PTK2: variants seen among roughly 807,000 people sequenced by gnomAD.
PTK2 encodes the protein protein tyrosine kinase 2, also known as focal adhesion kinase 1.
A neutral mutation model predicts 150.1 loss-of-function variants in PTK2; 45 were observed. The ratio of observed to expected loss-of-function variants is 0.30; its 90% CI spans 0.24 to 0.38. The LOEUF is 0.38. PTK2 is among the 10% of genes least tolerant of loss of function. The pLI is 1.00. For synonymous variants in PTK2, 432 were observed against 449.2 expected, an observed-to-expected ratio of 0.96 and a Z score of 0.48; for missense variants, 919 against 1,307.3, an observed-to-expected ratio of 0.70 and a Z score of 4.58.
At chr8:140,724,485 CTTTTTAAA>C (rs952584560) in intron 22 of PTK2, among the ~76,000 whole-genome samples, 1 of 152,008 alleles carries the variant, frequency 6.6e-6, no homozygotes, top group African/African-American at 2.4e-5. Context: ...GGAAGAAAAA[CTTTTTAAA>C]AAAGATTGGA....
chr8:140,974,355 TA>T (rs1384804901), intron 1 of PTK2, among the ~76,000 whole-genome samples: 10 of 152,200 alleles, frequency 6.6e-5, no homozygotes, highest in African/African-American at 2.4e-4. Flanking sequence ...CCATCTCTCA[TA>T]GCCACATGAA....
intron 1 of PTK2, among the ~76,000 whole-genome samples, chr8:140,933,190 GAA>G (rs57085667): frequency 0.023 from 3,287 of 140,786 alleles, 49 homozygotes; most frequent in African/African-American, 0.039. Context: ...CAACAGTAAT[GAA>G]AAAAAAAAAA....
intron 27 of PTK2, among the ~76,000 whole-genome samples, chr8:140,682,204 A>G (rs2100017414): frequency 6.6e-6 from 1 of 152,170 alleles, no homozygotes; most frequent in Non-Finnish European, 1.5e-5. Flanking sequence ...CAACATTGTG[A>G]AACCCTGTCT....
chr8:140,720,504 T>C (rs547621931), intron 22 of PTK2, among the ~76,000 whole-genome samples: 89 of 152,194 alleles, frequency 5.8e-4, no homozygotes, highest in Admixed American at 1.0e-3. Context: ...AATTCTACCA[T>C]AGACAGGTTA....
intron 1 of PTK2, among the ~76,000 whole-genome samples, chr8:141,000,021 A>C (rs2100199380): frequency 6.6e-6 from 1 of 151,566 alleles, no homozygotes; most frequent in Non-Finnish European, 1.5e-5. Flanking sequence ...CTCGGAAAAA[A>C]AAAAAAAAAG....
intron 1 of PTK2, among the ~76,000 whole-genome samples, chr8:140,975,100 C>T (rs11167014): frequency 0.97 from 146,996 of 152,276 alleles, 71,145 homozygotes; most frequent in East Asian, 1. Context: ...AAAGAACATA[C>T]AGTCTATTAT....
At chr8:140,965,405 T>C (rs557482024) in intron 1 of PTK2, among the ~76,000 whole-genome samples, 1 of 152,288 alleles carries the variant, frequency 6.6e-6, no homozygotes, top group African/African-American at 2.4e-5. Flanking sequence ...CTCCACAGCA[T>C]TTCTTCACTC....
chr8:140,851,974 CACAT>C (rs1294290678), intron 5 of PTK2, among the ~76,000 whole-genome samples: 4 of 151,990 alleles, frequency 2.6e-5, no homozygotes, highest in African/African-American at 9.7e-5. Context: ...AGCACATGCA[CACAT>C]ACATGTGTGT....
At chr8:140,881,787 T>A (rs1046390702) in intron 3 of PTK2, among the ~76,000 whole-genome samples, 1 of 152,186 alleles carries the variant, frequency 6.6e-6, no homozygotes, top group Non-Finnish European at 1.5e-5. Flanking sequence ...AGCACACATA[T>A]AGGAGACCTG....
intron 1 of PTK2, among the ~76,000 whole-genome samples, chr8:140,995,777 CA>C (rs2100197480): frequency 6.6e-6 from 1 of 151,792 alleles, no homozygotes; most frequent in African/African-American, 2.4e-5. Context: ...GACTCTGTCT[CA>C]AAATAAATAA....
intron 14 of PTK2, among the ~76,000 whole-genome samples, chr8:140,772,330 G>C (rs1262847720): frequency 6.6e-6 from 1 of 152,202 alleles, no homozygotes; most frequent in African/African-American, 2.4e-5. Flanking sequence ...TGAGGAGGCT[G>C]AGTTGGGAGG....
intron 14 of PTK2, among the ~76,000 whole-genome samples, chr8:140,780,882 T>C (rs1226301736): frequency 1.3e-5 from 2 of 152,240 alleles, no homozygotes; most frequent in Non-Finnish European, 2.9e-5. Flanking sequence ...AAGTTTTTAG[T>C]TGCTGAATCT....
intron 13 of PTK2, among the ~76,000 whole-genome samples, chr8:140,790,300 A>C (rs1169359802): frequency 6.6e-6 from 1 of 152,212 alleles, no homozygotes; most frequent in Non-Finnish European, 1.5e-5. Context: ...TGCTTGGAAC[A>C]AGAGTGTTTC....
At chr8:140,901,490 CA>C (rs1247975229) in intron 2 of PTK2, among the ~76,000 whole-genome samples, 1 of 152,044 alleles carries the variant, frequency 6.6e-6, no homozygotes, top group Non-Finnish European at 1.5e-5. Flanking sequence ...AAAGACAACA[CA>C]AAGAATGGGA....
intron 26 of PTK2, among the ~76,000 whole-genome samples, chr8:140,687,422 T>C (rs1458545639): frequency 6.6e-6 from 1 of 152,170 alleles, no homozygotes; most frequent in Non-Finnish European, 1.5e-5. Context: ...TGGCAGCATA[T>C]TTCCCTCTTC....
chr8:140,836,174 GT>G (rs1252734902), intron 7 of PTK2, among the ~76,000 whole-genome samples: 1 of 152,138 alleles, frequency 6.6e-6, no homozygotes, highest in African/African-American at 2.4e-5. Flanking sequence ...AGCTGGGGAT[GT>G]TTTTGTGACG....
chr8:140,670,617 C>A (rs917612276), intron 29 of PTK2, among the ~76,000 whole-genome samples: 1 of 151,030 alleles, frequency 6.6e-6, no homozygotes, highest in African/African-American at 2.4e-5. Flanking sequence ...TGATTAGGTT[C>A]TACTACTTGA....
At chr8:140,814,873 G>C (rs4604495) in intron 10 of PTK2, among the ~76,000 whole-genome samples, 84,311 of 151,336 alleles carry the variant, frequency 0.56, 24,464 homozygotes, top group African/African-American at 0.71. Flanking sequence ...CTCCCGGGTT[G>C]ATGCCATTCT....
At chr8:140,679,276 C>G (rs1028887856) in intron 27 of PTK2, among the ~76,000 whole-genome samples, 1 of 151,820 alleles carries the variant, frequency 6.6e-6, no homozygotes, top group South Asian at 2.1e-4. Flanking sequence ...CTGCTCGCCT[C>G]GGCCTCCCAA....
Sources: gnomAD v4.1 joint callset for allele counts (sites outside exome capture counted in the v4.1 genomes callset) on GRCh38, gnomAD v4.1.1 for gene constraint, MANE v1.5 for transcripts, NCBI Gene and HGNC (gene_info 2026-07-23, HGNC 2026-07-21) for gene names.